Variants in AGBL1 observed in about 807,000 individuals in gnomAD.
AGBL1 encodes the protein cytosolic carboxypeptidase 4.
In AGBL1, 130 loss-of-function variants were observed where a neutral mutation model predicts 118.9. That is an observed-to-expected ratio of 1.09 (90% confidence interval 0.95 to 1.26). The LOEUF (loss-of-function observed/expected upper bound fraction) is 1.26. Among genes scored for constraint, AGBL1 ranks in the 50% most tolerant of loss-of-function variants. The pLI is 0.00. For synonymous variants in AGBL1, 555 were observed against 478.9 expected (o/e 1.16, Z -2.08); for missense variants, 1,584 against 1,298.1 (o/e 1.22, Z -3.38).
At chr15:86,577,624 A>G (rs11635431) in intron 21 of AGBL1, among the ~76,000 whole-genome samples, 121,057 of 152,038 alleles carry the variant, frequency 0.8, 48,387 homozygotes, top group African/African-American at 0.82. Context: ...TGGCCTGGAG[A>G]TCTGAGGGGA....
intron 18 of AGBL1, among the ~76,000 whole-genome samples, chr15:86,520,957 C>T (rs1294224834): frequency 6.6e-6 from 1 of 152,132 alleles, no homozygotes; most frequent in Non-Finnish European, 1.5e-5. Flanking sequence ...CCTTGGTCAC[C>T]AGGCAGAACT....
chr15:86,578,872 C>T (rs28729364), intron 21 of AGBL1, among the ~76,000 whole-genome samples: 3,231 of 152,224 alleles, frequency 0.021, 122 homozygotes, highest in African/African-American at 0.072. Flanking sequence ...TGAAATTGCT[C>T]AGTCTCGGGT....
chr15:86,771,254 G>A (rs1053919386), intron 22 of AGBL1, among the ~76,000 whole-genome samples: 21 of 152,022 alleles, frequency 1.4e-4, no homozygotes, highest in African/African-American at 5.1e-4. Flanking sequence ...AGTATAAATA[G>A]TGCTAGGTAC....
intron 22 of AGBL1, among the ~76,000 whole-genome samples, chr15:86,782,499 T>C (rs765167519): frequency 6.6e-6 from 1 of 152,234 alleles, no homozygotes; most frequent in Admixed American, 6.5e-5. Context: ...TTTGAGGAAT[T>C]GGAAGCAAAA....
intron 17 of AGBL1, among the ~76,000 whole-genome samples, chr15:86,391,566 C>G (rs1472584367): frequency 4.0e-5 from 6 of 151,622 alleles, no homozygotes; most frequent in Non-Finnish European, 8.8e-5. Context: ...TTCTTCTACC[C>G]CTTAATCCCA....
chr15:86,537,959 T>C (rs937489660), intron 19 of AGBL1, among the ~76,000 whole-genome samples: 42 of 152,288 alleles, frequency 2.8e-4, no homozygotes, highest in Admixed American at 2.3e-3. Flanking sequence ...ACATATTAGA[T>C]TGTATGTTTT....
intron 17 of AGBL1, among the ~76,000 whole-genome samples, chr15:86,362,778 T>A (rs1043600656): frequency 1.3e-5 from 2 of 152,192 alleles, no homozygotes; most frequent in Non-Finnish European, 2.9e-5. Flanking sequence ...CTTCAAGATC[T>A]GCAGTAGGGA....
chr15:86,339,292 C>G (rs1224739960), intron 17 of AGBL1, among the ~76,000 whole-genome samples: 1 of 152,102 alleles, frequency 6.6e-6, no homozygotes, highest in East Asian at 1.9e-4. Context: ...CTTTATTTTT[C>G]AAAATGTAAT....
chr15:86,317,411 A>G (rs1338871253), intron 17 of AGBL1, among the ~76,000 whole-genome samples: 2 of 152,230 alleles, frequency 1.3e-5, no homozygotes, highest in African/African-American at 4.8e-5. Flanking sequence ...GCAATGAGAG[A>G]AAGGAAGAAT....
intron 17 of AGBL1, among the ~76,000 whole-genome samples, chr15:86,315,957 T>C (rs1183166454): frequency 6.6e-6 from 1 of 152,172 alleles, no homozygotes; most frequent in Non-Finnish European, 1.5e-5. Flanking sequence ...CCTAAAGCTC[T>C]CAGGAAAAAA....
intron 22 of AGBL1, among the ~76,000 whole-genome samples, chr15:86,793,627 A>G (rs1329111067): frequency 6.6e-6 from 1 of 152,236 alleles, no homozygotes. Flanking sequence ...GGACTTTATC[A>G]AAATTAAAAA....
At chr15:86,321,021 CAT>C (rs905100196) in intron 17 of AGBL1, among the ~76,000 whole-genome samples, 2 of 152,086 alleles carry the variant, frequency 1.3e-5, no homozygotes, top group African/African-American at 4.8e-5. Flanking sequence ...TTAGGATTTG[CAT>C]ATATATTCAA....
intron 22 of AGBL1, among the ~76,000 whole-genome samples, chr15:86,713,750 C>T (rs2086596446): frequency 1.3e-5 from 2 of 152,066 alleles, no homozygotes; most frequent in South Asian, 4.1e-4. Flanking sequence ...GGAGCTCCTT[C>T]AGCCCCAAAG....
intron 23 of AGBL1, among the ~76,000 whole-genome samples, chr15:86,946,880 A>G (rs942474678): frequency 3.3e-5 from 5 of 151,692 alleles, no homozygotes; most frequent in Admixed American, 1.3e-4. Context: ...AAAAGAAAGA[A>G]AAAGAAATAC....
At chr15:86,714,386 A>T (rs2142699408) in intron 22 of AGBL1, among the ~76,000 whole-genome samples, 1 of 152,308 alleles carries the variant, frequency 6.6e-6, no homozygotes, top group South Asian at 2.1e-4. Context: ...ACTCAAACAG[A>T]TCATAAGATA....
At chr15:86,182,734 A>T (rs917051747) in intron 5 of AGBL1, among the ~76,000 whole-genome samples, 1 of 152,160 alleles carries the variant, frequency 6.6e-6, no homozygotes, top group Non-Finnish European at 1.5e-5. Context: ...TTAATAAGTC[A>T]CATTGGATTA....
chr15:86,570,343 T>C (rs2083986867), intron 21 of AGBL1, among the ~76,000 whole-genome samples: 2 of 152,152 alleles, frequency 1.3e-5, no homozygotes, highest in African/African-American at 4.8e-5. Flanking sequence ...ATAGGGGAAG[T>C]ACAGAGATTT....
intron 17 of AGBL1, among the ~76,000 whole-genome samples, chr15:86,347,812 C>G (rs981338203): frequency 2.0e-5 from 3 of 152,196 alleles, no homozygotes; most frequent in Non-Finnish European, 4.4e-5. Context: ...TAACACTTAG[C>G]AAAATGATAT....
chr15:86,785,294 G>A (rs185219641), intron 22 of AGBL1, among the ~76,000 whole-genome samples: 4 of 151,792 alleles, frequency 2.6e-5, no homozygotes, highest in South Asian at 2.1e-4. Context: ...CTGGCTGACC[G>A]TCGGAATCCT....
Sources: gnomAD v4.1 joint callset for allele counts (sites outside exome capture counted in the v4.1 genomes callset) on GRCh38, gnomAD v4.1.1 for gene constraint, MANE v1.5 for transcripts, NCBI Gene and HGNC (gene_info 2026-07-23, HGNC 2026-07-21) for gene names.